The following ASPM variants were observed in gnomAD, a reference collection of about 807,000 sequenced individuals.
ASPM encodes assembly factor for spindle microtubules.
A neutral mutation model predicts 366.4 loss-of-function variants in ASPM; 256 were observed. That is an observed-to-expected ratio of 0.70 (90% CI 0.63 to 0.77). The LOEUF (loss-of-function observed/expected upper bound fraction) is 0.77, where lower values mean the gene tolerates loss of function less well. Ranked by LOEUF, ASPM falls within the 30% of genes least tolerant of loss-of-function variation. The pLI is 0.00. For synonymous variants in ASPM, 1,414 were observed against 1,342.9 expected (o/e 1.05, Z -1.16); for missense variants, 4,146 against 4,090.4 (o/e 1.01, Z -0.37).
At chr1:197,138,911 C>T (rs1658499040) in intron 4 of ASPM, 5 of 898,030 alleles carry the variant, frequency 5.6e-6, no homozygotes, top group Non-Finnish European at 9.2e-6. Context: ...TTTTAAGATG[C>T]TTGAACTTGT....
chr1:197,103,571 T>A lies in ASPM; in HGVS notation c.5680A>T (p.Ile1894Phe), dbSNP rs766384759. The part of the protein sequence containing the change: ...AYRGWKVRKQ[I>F]RREHQAALKI... ...AAGGCAGCTTGATGTTCCCTTCTAA[T>A]CTGTTTCCGAACCTTCCAGCCACGA... is the stretch of plus-strand genomic sequence containing the variant. Residue 1894 changes from isoleucine to phenylalanine, a missense_variant, in exon 18 of 28, where the codon ATT becomes TTT. Physicochemically the swap from Ile to Phe is conservative, Grantham distance 21 (BLOSUM62 0). Transcript: ENST00000367409. 6.2e-7 allele frequency: 1 copy of A among 1,612,946 alleles called. No individual in the cohort carries two copies. The highest frequency in any genetic ancestry group is 8.5e-7 in the Non-Finnish European group (1 of 1,179,474).
chr1:197,107,128 G>A (rs1040563510), intron 17 of ASPM, among the ~76,000 whole-genome samples: 4 of 152,042 alleles, frequency 2.6e-5, no homozygotes, highest in African/African-American at 9.7e-5. Flanking sequence ...GAGGGTACCA[G>A]GGAGATGGTA....
chr1:197,128,771 A>G, intron 9 of ASPM, 106 bp from the exon 10 acceptor site: 1 of 896,762 alleles, frequency 1.1e-6, no homozygotes, highest in Non-Finnish European at 1.7e-6. Context: ...AAAATAATAT[A>G]AAAAGTTTCA....
intron 18 of ASPM, among the ~76,000 whole-genome samples, chr1:197,099,070 C>T (rs10737686): frequency 0.18 from 26,511 of 151,432 alleles, 3,819 homozygotes; most frequent in East Asian, 0.69. Flanking sequence ...CCTCCTTGTT[C>T]ATGCTCTATA....
rs924926422 is a variant in ASPM, at chr1:197,101,669, T to A, written c.7582A>T (p.Ile2528Phe). The A allele has an allele frequency of 6.2e-7, 1 of 1,612,238 alleles. No homozygotes were observed. The highest frequency in any genetic ancestry group is 1.7e-5 in the Admixed American group (1 of 59,770). ...RAAKLQRENYIRQWHSAVVIQ... is the reference protein window; with the variant it reads ...RAAKLQRENYFRQWHSAVVIQ... ...ACCACAGCAGAATGCCATTGTCTGA[T>A]ATAATTTTCTCTTTGTAATTTTGCA... Residue 2528 changes from isoleucine to phenylalanine, a missense_variant, in exon 18 of 28, where the codon ATC (isoleucine) becomes TTC (phenylalanine). Around this residue, in one of 3 missense-constraint regions of ASPM, gnomAD observed 3,624 missense variants for 3,591.7 expected, o/e 1.01. Transcript: ENST00000367409.
At chr1:197,134,181 C>T (rs992521939) in intron 5 of ASPM, among the ~76,000 whole-genome samples, 2 of 151,298 alleles carry the variant, frequency 1.3e-5, no homozygotes, top group Non-Finnish European at 2.9e-5. Flanking sequence ...GTGAATTCCT[C>T]GAGCCTAGGA....
chr1:197,100,127 A>T (rs1657105809), intron 18 of ASPM, among the ~76,000 whole-genome samples: 1 of 151,746 alleles, frequency 6.6e-6, no homozygotes, highest in South Asian at 2.1e-4. Flanking sequence ...ACTTAAAGAA[A>T]TAACTTTGCC....
rs587783215 is a variant in ASPM at position 197,143,114 on chromosome 1, G to T, written c.1138C>A (p.Gln380Lys). 43 of 1,612,468 alleles carry T rather than the reference G, an allele frequency of 2.7e-5. No individual in the cohort carries two copies. Among genetic ancestry groups the T allele is most frequent in the Non-Finnish European group, 3.5e-5 (41 of 1,178,860 alleles). ...TTAACTGACTCTGATTCTAGATCCT[G>T]ATTTAGTCCATAATTATCTTTTATG... is the stretch of plus-strand genomic sequence containing the variant. ...SFIKDNYGLN[Q>K]DLESESVNPI... The change falls in exon 3 of 28, where the codon CAG becomes AAG. Residue 380 changes from glutamine (Q) to lysine (K), a missense_variant. Gln to Lys is a moderately conservative substitution (Grantham distance 53). Around this residue, in one of 3 missense-constraint regions of ASPM, gnomAD observed 512 missense variants for 471.7 expected, o/e 1.09. Transcript: ENST00000367409.
chr1:197,097,675 C>T (rs1368491692), intron 18 of ASPM, among the ~76,000 whole-genome samples: 4 of 151,656 alleles, frequency 2.6e-5, no homozygotes, highest in Non-Finnish European at 4.4e-5. Context: ...CCTGCCACCT[C>T]AGTCTTAATC....
At position 197,143,411 on chromosome 1, in the gene ASPM, A is replaced by T; in HGVS notation, c.841T>A (p.Phe281Ile). 1 of 1,614,018 alleles carries T rather than the reference A, an allele frequency of 6.2e-7. No homozygotes were observed. Among genetic ancestry groups the T allele is most frequent in the Non-Finnish European group, 8.5e-7 (1 of 1,179,864 alleles). ...FNEKAVTETSFNSVNVNGQRG... is the reference protein window; with the variant it reads ...FNEKAVTETSINSVNVNGQRG... ...TGGCCATTAACATTTACGGAATTAA[A>T]GGAAGTTTCAGTTACAGCTTTCTCA... is the stretch of plus-strand genomic sequence containing the variant. Residue 281 changes from phenylalanine (F) to isoleucine (I), a missense_variant, in exon 3 of 28, where the codon TTT (phenylalanine) becomes ATT (isoleucine). Transcript: ENST00000367409.
At chr1:197,143,873 T>C in intron 2 of ASPM, 63 bp from the exon 3 acceptor site, 9 of 1,556,792 alleles carry the variant, frequency 5.8e-6, no homozygotes, top group Non-Finnish European at 7.9e-6. Flanking sequence ...ATAAGCAATA[T>C]TACTTCAAGC....
At chr1:197,140,615 T>C (rs1444559618) in intron 3 of ASPM, among the ~76,000 whole-genome samples, 1 of 152,190 alleles carries the variant, frequency 6.6e-6, no homozygotes, top group Non-Finnish European at 1.5e-5. Context: ...AAAGGCAGTA[T>C]AGTTACAGAA....
rs773107901 is a variant in ASPM at position 197,084,388 on chromosome 1, TC to T, written c.10369del (p.Glu3457LysfsTer13). On this transcript the variant is annotated frameshift_variant, in exon 28 of 28. Transcript: ENST00000367409. LOFTEE classifies it high-confidence loss of function. ...AGCTTGCAGGGGATTTGTGATTTCTTCCATGTTATCTCTTCTCAAAACCCAA... is the reference window on the plus strand; with the variant it reads ...AGCTTGCAGGGGATTTGTGATTTCTTCATGTTATCTCTTCTCAAAACCCAA... ...PDWVLRRDNM[E>X]EITNPLQAIQ... The T allele has an allele frequency of 3.7e-6, 6 of 1,612,582 alleles. No homozygotes were observed. In the African/African-American group the frequency reaches 8.0e-5, roughly 22 times the overall value.
Position 197,100,674 on chromosome 1 carries a change from C to G in ASPM, c.8577G>C (p.Gln2859His), listed in dbSNP as rs766154891. 6 of 1,612,348 alleles carry G rather than the reference C, an allele frequency of 3.7e-6. No individual in the cohort carries two copies. The highest frequency in any genetic ancestry group is 1.7e-5 in the Admixed American group (1 of 59,730). The change falls in exon 18 of 28, where the codon CAG becomes CAC. Residue 2859 changes from glutamine (Q) to histidine (H), a missense_variant. Physicochemically the swap from Gln to His is conservative, Grantham distance 24 (BLOSUM62 0). Coordinates refer to ENST00000367409, the MANE Select transcript of ASPM (RefSeq NM_018136.5). ...MAVYRRRFVQ[Q>H]KRAAITLQHY... The stretch of plus-strand genomic sequence containing the variant: ...GCTGTAAAGTGATAGCAGCTCTTTT[C>G]TGCTGAACAAATCTTCTCCGATACA...
At chr1:197,105,324 T>C (rs1025916341) in intron 17 of ASPM, 139 bp from the exon 18 acceptor site, 21 of 738,574 alleles carry the variant, frequency 2.8e-5, no homozygotes, top group Non-Finnish European at 4.1e-5. Context: ...TTGTGAGATA[T>C]TTGTCTCTTT....
In ASPM at chr1:197,101,070, T is replaced by C. The variant is rs768224130; in HGVS notation, c.8181A>G (p.Arg2727=). Residue 2727 remains arginine, a synonymous_variant, in exon 18 of 28, where the codon AGA becomes AGG. Coordinates refer to ENST00000367409, the MANE Select transcript of ASPM (RefSeq NM_018136.5). The part of the protein sequence containing the change: ...VIQNYYRLYV[R]VKTERKNFLA... ...AAAAGTTTTTTCTTTCTGTTTTTAC[T>C]CTAACATACAACCTATAATAATTCT... 1 of 1,611,678 alleles carries C rather than the reference T, an allele frequency of 6.2e-7. No homozygotes were observed. The highest frequency in any genetic ancestry group is 1.7e-5 in the Admixed American group (1 of 59,660).
intron 22 of ASPM, 122 bp from the exon 23 acceptor site, chr1:197,091,163 T>A: frequency 1.1e-6 from 1 of 920,554 alleles, no homozygotes. Flanking sequence ...TCTTTCAGCT[T>A]TCCACAGAGG....
intron 4 of ASPM, chr1:197,138,792 G>C (rs1487245352): frequency 4.0e-6 from 3 of 744,416 alleles, no homozygotes; most frequent in Non-Finnish European, 7.3e-6. Flanking sequence ...GTGCTCAGCT[G>C]AGTCTGCAGT....
Position 197,143,399 on chromosome 1 carries a change from T to A in ASPM, c.853A>T (p.Asn285Tyr), listed in dbSNP as rs1263905709. 3.1e-6 allele frequency: 5 copies of A among 1,613,970 alleles called. No individual in the cohort carries two copies. The highest frequency in any genetic ancestry group is 4.2e-6 in the Non-Finnish European group (5 of 1,179,832). The change falls in exon 3 of 28, where the codon AAT becomes TAT. Residue 285 changes from asparagine to tyrosine, a missense_variant. Physicochemically the swap from Asn to Tyr is moderately radical, Grantham distance 143. Around this residue, in one of 3 missense-constraint regions of ASPM, gnomAD observed 512 missense variants for 471.7 expected, o/e 1.09. Transcript: ENST00000367409. ...TTCTCTCCTCTTTGGCCATTAACAT[T>A]TACGGAATTAAAGGAAGTTTCAGTT... ...AVTETSFNSV[N>Y]VNGQRGENSK...
Sources: gnomAD v4.1 joint callset for allele counts (sites outside exome capture counted in the v4.1 genomes callset) on GRCh38, gnomAD v4.1.1 for gene constraint, gnomAD v4.1.1 regional missense constraint, MANE v1.5 for transcripts, NCBI Gene and HGNC (gene_info 2026-07-23, HGNC 2026-07-21) for gene names.